Variants in ZNF180 observed in about 807,000 individuals in gnomAD.
ZNF180 encodes the protein zinc finger protein 180, also known as zinc finger protein 180 (HHZ168).
A neutral mutation model predicts 11.8 loss-of-function variants in ZNF180; 11 were observed. That is an observed-to-expected ratio of 0.93 (90% CI 0.59 to 1.55). The LOEUF is 1.55. ZNF180 is among the 40% of genes most tolerant of loss of function. The pLI, the probability that ZNF180 is intolerant of heterozygous loss-of-function variation, is 0.00. For synonymous variants in ZNF180, 287 were observed against 257.7 expected (o/e 1.11, Z -1.09); for missense variants, 773 against 781.7 (o/e 0.99, Z 0.13).
Position 44,495,176 on chromosome 19 carries a change from A to T in ZNF180, c.51+2108T>A, listed in dbSNP as rs1261272384. Among the ~76,000 whole-genome samples, 2 of 151,976 alleles carry T rather than the reference A, an allele frequency of 1.3e-5. No individual in the cohort carries two copies. The highest frequency in any genetic ancestry group is 2.4e-5 in the African/African-American group (1 of 41,358). On this transcript the variant is annotated intron_variant, in intron 2 of 4. Coordinates refer to ENST00000592529, the MANE Select transcript of ZNF180 (RefSeq NM_001278509.3). This position sits in a 1 kb window ranked among gnomAD's most constrained non-coding sequence, Gnocchi z 4.5. ...GCTCCAGTCCCTTATATATACACTT[A>T]CTTATCTGATCTAGCCCCCTGTAGG...
chr19:44,492,783 G>GA (rs397766634), intron 2 of ZNF180, among the ~76,000 whole-genome samples: 1 of 151,968 alleles, frequency 6.6e-6, no homozygotes. Context: ...TGCTTTGGGG[G>GA]TCTACTGGCA....
intron 1 of ZNF180, 41 bp downstream of exon 1, chr19:44,500,234 C>T (rs1970713641): frequency 6.2e-7 from 1 of 1,613,924 alleles, no homozygotes; most frequent in Admixed American, 1.7e-5. Flanking sequence ...CCTGCGCATG[C>T]GCGCATCGGA....
chr19:44,481,938 C>T (rs1970091658), intron 3 of ZNF180, among the ~76,000 whole-genome samples: 1 of 152,208 alleles, frequency 6.6e-6, no homozygotes. Context: ...CTATTCTTCT[C>T]ACTTGTCCCA....
intron 4 of ZNF180, 136 bp from the exon 5 acceptor site, chr19:44,478,282 CA>C: frequency 4.6e-6 from 4 of 876,378 alleles, no homozygotes; most frequent in Non-Finnish European, 5.0e-6. Context: ...GTTGAAAAAG[CA>C]AAAGGGTGAG....
chr19:44,492,997 T>C (rs1970488398), intron 2 of ZNF180, among the ~76,000 whole-genome samples: 1 of 152,132 alleles, frequency 6.6e-6, no homozygotes, highest in East Asian at 1.9e-4. Context: ...AAACCAATAT[T>C]CACAAACTAC....
At chr19:44,493,687 T>C (rs1970504951) in intron 2 of ZNF180, among the ~76,000 whole-genome samples, 1 of 152,194 alleles carries the variant, frequency 6.6e-6, no homozygotes. Flanking sequence ...GTGTCACTTC[T>C]GAAATCAGAT....
chr19:44,494,809 A>G (rs1970537338), intron 2 of ZNF180, among the ~76,000 whole-genome samples: 3 of 152,246 alleles, frequency 2.0e-5, no homozygotes, highest in Admixed American at 2.0e-4. Context: ...CAAAACATTT[A>G]TATCAATGCT....
chr19:44,490,158 TAGG>T (rs1568433803), intron 2 of ZNF180, among the ~76,000 whole-genome samples: 1 of 64,760 alleles, frequency 1.5e-5, no homozygotes, highest in Admixed American at 2.4e-4. Context: ...AAAAAGGAAA[TAGG>T]AGAAGGGAGG....
chr19:44,496,941 A>C (rs1860642812), intron 2 of ZNF180, among the ~76,000 whole-genome samples: 1 of 152,156 alleles, frequency 6.6e-6, no homozygotes, highest in Non-Finnish European at 1.5e-5. Flanking sequence ...ATTCTATTTC[A>C]TGGTCTTATC....
intron 2 of ZNF180, among the ~76,000 whole-genome samples, chr19:44,490,014 AGAAAG>A (rs1970396075): frequency 7.5e-6 from 1 of 133,226 alleles, no homozygotes; most frequent in Non-Finnish European, 1.6e-5. Context: ...AGAAAAGAAA[AGAAAG>A]AAAAAGACAG....
intron 1 of ZNF180, among the ~76,000 whole-genome samples, chr19:44,499,316 C>T (rs1389161671): frequency 6.6e-6 from 1 of 152,148 alleles, no homozygotes; most frequent in Non-Finnish European, 1.5e-5. Flanking sequence ...CAGGCTCTGT[C>T]CCTCTACTAA....
At chr19:44,494,956 G>A (rs13345783) in intron 2 of ZNF180, among the ~76,000 whole-genome samples, 46,444 of 151,908 alleles carry the variant, frequency 0.31, 7,887 homozygotes, top group African/African-American at 0.44. Flanking sequence ...CCAGCCCTCC[G>A]CGGACAGACA....
intron 2 of ZNF180, among the ~76,000 whole-genome samples, chr19:44,489,103 G>C (rs907681277): frequency 2.4e-5 from 3 of 127,642 alleles, no homozygotes; most frequent in South Asian, 2.7e-4. Context: ...GGAGGGAGGT[G>C]GGGGGGCCAG....
chr19:44,479,110 C>T (rs1658439241), intron 4 of ZNF180, among the ~76,000 whole-genome samples, 173 bp downstream of exon 4: 1 of 152,168 alleles, frequency 6.6e-6, no homozygotes, highest in African/African-American at 2.4e-5. Context: ...CAAGAATCTG[C>T]ACTATTTCTA....
At chr19:44,489,879 AAGAG>A (rs923211587) in intron 2 of ZNF180, among the ~76,000 whole-genome samples, 25 of 117,146 alleles carry the variant, frequency 2.1e-4, no homozygotes, top group Admixed American at 5.2e-4. Context: ...AAGAGAGAGA[AAGAG>A]AGAGAGAGAG....
chr19:44,488,045 A>ACGCCCT (rs1203991471), intron 2 of ZNF180, among the ~76,000 whole-genome samples: 1 of 149,226 alleles, frequency 6.7e-6, no homozygotes, highest in African/African-American at 2.5e-5. Flanking sequence ...AATAAACTTG[A>ACGCCCT]CGCCCTCGCC....
intron 2 of ZNF180, among the ~76,000 whole-genome samples, chr19:44,486,674 TGGAAG>T (rs892169934): frequency 5.9e-5 from 9 of 151,990 alleles, no homozygotes; most frequent in African/African-American, 2.2e-4. Context: ...GAGGCTGAGG[TGGAAG>T]GATCACTTGA....
At position 44,497,350 on chromosome 19, in the gene ZNF180, C is replaced by T. The variant is rs1263521034; in HGVS notation, c.-16G>A. On this transcript the variant is annotated 5_prime_UTR_variant, in exon 2 of 5. The change creates a new upstream start codon in the 5' untranslated region. Transcript: ENST00000592529. Reference sequence around the variant, plus strand: ...GCTCTTCCATGCTCTCCTCCAGGCACAGCAGGGTGCTGAGGTCCTGAGCTG... The same window carrying T: ...GCTCTTCCATGCTCTCCTCCAGGCATAGCAGGGTGCTGAGGTCCTGAGCTG... The T allele has an allele frequency of 6.3e-7, 1 of 1,597,968 alleles. No homozygotes were observed. The highest frequency in any genetic ancestry group is 2.3e-5 in the East Asian group (1 of 43,280).
At chr19:44,499,966 A>G (rs551322021) in intron 1 of ZNF180, among the ~76,000 whole-genome samples, 1 of 152,294 alleles carries the variant, frequency 6.6e-6, no homozygotes, top group African/African-American at 2.4e-5. Flanking sequence ...TAAGCCCGGC[A>G]TTGGAGGAGG....
Sources: gnomAD v4.1 joint callset for allele counts (sites outside exome capture counted in the v4.1 genomes callset) on GRCh38, gnomAD v4.1.1 for gene constraint, Gnocchi (gnomAD v3.1) non-coding constraint, MANE v1.5 for transcripts, NCBI Gene and HGNC (gene_info 2026-07-23, HGNC 2026-07-21) for gene names.